HMCN1: variants seen among roughly 807,000 people sequenced by gnomAD.
HMCN1 encodes hemicentin-1.
In HMCN1, 321 loss-of-function variants were observed where a neutral mutation model predicts 625.9. That is an observed-to-expected ratio of 0.51 (90% CI 0.47 to 0.56). The LOEUF (loss-of-function observed/expected upper bound fraction) is 0.56, where lower values mean the gene tolerates loss of function less well. HMCN1 is among the 20% of genes least tolerant of loss of function. HMCN1 has a pLI of 0.00. For missense variants in HMCN1, 6,588 were observed against 6,887.3 expected, an observed-to-expected ratio of 0.96 and a Z score of 1.54; for synonymous variants, 2,425 against 2,417.6, an observed-to-expected ratio of 1.00 and a Z score of -0.09.
At chr1:186,084,114 A>G (rs1263906940) in intron 57 of HMCN1, among the ~76,000 whole-genome samples, 1 of 152,118 alleles carries the variant, frequency 6.6e-6, no homozygotes, top group Admixed American at 6.6e-5. Flanking sequence ...CAATTGTAGC[A>G]GTTCCATATG....
intron 60 of HMCN1, 119 bp downstream of exon 60, chr1:186,087,764 A>G: frequency 2.5e-6 from 3 of 1,205,240 alleles, no homozygotes; most frequent in Non-Finnish European, 3.7e-6. Flanking sequence ...AAAAAAATAC[A>G]TAGCCAATGC....
At chr1:185,902,417 A>G (rs1364910718) in intron 4 of HMCN1, among the ~76,000 whole-genome samples, 3 of 132,968 alleles carry the variant, frequency 2.3e-5, no homozygotes, top group Non-Finnish European at 4.5e-5. Flanking sequence ...CTATCTATCT[A>G]TCTATCTATC....
At chr1:185,889,739 A>G (rs1483013413) in intron 4 of HMCN1, among the ~76,000 whole-genome samples, 1 of 141,340 alleles carries the variant, frequency 7.1e-6, no homozygotes, top group East Asian at 1.9e-4. Context: ...TTTTTGCATC[A>G]ACGTTCATCA....
intron 1 of HMCN1, among the ~76,000 whole-genome samples, chr1:185,783,086 T>G (rs1472955008): frequency 1.3e-5 from 2 of 152,224 alleles, no homozygotes; most frequent in Admixed American, 1.3e-4. Context: ...CTTGATTCAT[T>G]TCATTCATTT....
At chr1:185,902,451 C>CTATA (rs1214702810) in intron 4 of HMCN1, among the ~76,000 whole-genome samples, 1 of 145,276 alleles carries the variant, frequency 6.9e-6, no homozygotes, top group Non-Finnish European at 1.5e-5. Context: ...ATCTATCTAT[C>CTATA]TAATTTTGCA....
intron 105 of HMCN1, 124 bp from the exon 106 acceptor site, chr1:186,187,759 T>G: frequency 7.7e-7 from 1 of 1,290,748 alleles, no homozygotes; most frequent in Non-Finnish European, 1.1e-6. Context: ...TAGGTATGAC[T>G]AAGTTCATTC....
In HMCN1 at chr1:185,864,755, C is replaced by T. The variant is rs1266750746; in HGVS notation, c.498+127C>T. The T allele has an allele frequency of 3.7e-6, 3 of 814,662 alleles. No individual in the cohort carries two copies. The African/African-American group carries it at 5.1e-5, about 14-fold the overall frequency. The allele number at this position is 814,662 out of a possible 1,614,324, so 50.5% of individuals were successfully genotyped here. ...AACTATCTATCCACATGTATGTTCTCCAATATGTATATGTCATCTGATTTA... is the reference window on the plus strand; with the variant it reads ...AACTATCTATCCACATGTATGTTCTTCAATATGTATATGTCATCTGATTTA... On this transcript the variant is annotated intron_variant, in intron 3 of 106. Coordinates refer to ENST00000271588, the MANE Select transcript of HMCN1 (RefSeq NM_031935.3).
chr1:186,015,221 A>G lies in HMCN1; in HGVS notation c.4693A>G (p.Ile1565Val), dbSNP rs1421020719. ...CATATCAGTATTGATCAACAGCCTT[A>G]TTAAACTGGAATGTGAAACACGGGG... The part of the protein sequence containing the change: ...TDISVLINSL[I>V]KLECETRGLP... Residue 1565 changes from isoleucine to valine, a missense_variant, in exon 31 of 107, where the codon ATT becomes GTT. This residue lies in a region of HMCN1 where 4,628 missense variants were observed against 4,853.1 expected (regional missense o/e 0.95). Coordinates refer to ENST00000271588, the MANE Select transcript of HMCN1 (RefSeq NM_031935.3). 6.2e-7 allele frequency: 1 copy of G among 1,613,696 alleles called. No homozygotes were observed. Among genetic ancestry groups the G allele is most frequent in the African/African-American group, 1.3e-5 (1 of 75,040 alleles).
At chr1:185,878,888 CT>C (rs1393047912) in intron 4 of HMCN1, among the ~76,000 whole-genome samples, 6 of 152,148 alleles carry the variant, frequency 3.9e-5, no homozygotes, top group Non-Finnish European at 7.4e-5. Context: ...AGCCATCATC[CT>C]ATGTTCAGAC....
chr1:186,177,765 AAG>A (rs150645870), intron 103 of HMCN1, among the ~76,000 whole-genome samples: 1,853 of 152,284 alleles, frequency 0.012, 36 homozygotes, highest in African/African-American at 0.037. Flanking sequence ...GAGAAAAAAC[AAG>A]AGAGAAATTT....
At chr1:185,835,627 A>G (rs2102298303) in intron 1 of HMCN1, among the ~76,000 whole-genome samples, 1 of 152,190 alleles carries the variant, frequency 6.6e-6, no homozygotes, top group Admixed American at 6.6e-5. Flanking sequence ...ACTAAAGTGA[A>G]GACTCTGAAC....
chr1:185,942,059 C>A (rs1668107338), intron 11 of HMCN1, among the ~76,000 whole-genome samples: 1 of 151,728 alleles, frequency 6.6e-6, no homozygotes, highest in South Asian at 2.1e-4. Context: ...GGCGTGGTGG[C>A]ACATGCCTGT....
intron 71 of HMCN1, among the ~76,000 whole-genome samples, 176 bp from the exon 72 acceptor site, chr1:186,112,636 T>C (rs1660943268): frequency 6.6e-6 from 1 of 152,194 alleles, no homozygotes; most frequent in Non-Finnish European, 1.5e-5. Flanking sequence ...TTAACATCAC[T>C]CATTAAAACA....
chr1:186,002,112 G>T (rs541732531), intron 28 of HMCN1, among the ~76,000 whole-genome samples: 2 of 152,162 alleles, frequency 1.3e-5, no homozygotes, highest in African/African-American at 4.8e-5. Context: ...CATTCATGCT[G>T]TGCATATCCT....
chr1:185,885,097 G>A (rs1285191070), intron 4 of HMCN1, among the ~76,000 whole-genome samples: 3 of 150,940 alleles, frequency 2.0e-5, no homozygotes, highest in African/African-American at 4.9e-5. Flanking sequence ...TTTTTTTTTG[G>A]TAGTGGTCCT....
chr1:185,863,043 T>C (rs1212725686), intron 2 of HMCN1, among the ~76,000 whole-genome samples: 1 of 152,232 alleles, frequency 6.6e-6, no homozygotes, highest in Non-Finnish European at 1.5e-5. Context: ...ATTAGATCTA[T>C]GGTGTTCACG....
At chr1:185,749,973 A>G (rs1429383059) in intron 1 of HMCN1, among the ~76,000 whole-genome samples, 1 of 152,204 alleles carries the variant, frequency 6.6e-6, no homozygotes, top group Non-Finnish European at 1.5e-5. Context: ...CTTGGCTAAA[A>G]GTCACCTCCT....
intron 29 of HMCN1, 134 bp from the exon 30 acceptor site, chr1:186,006,994 C>G (rs1653678653): frequency 4.3e-6 from 3 of 704,512 alleles, no homozygotes; most frequent in Admixed American, 2.3e-5. Context: ...TCTTGGAGTG[C>G]TAATCATATC....
chr1:185,906,628 C>T (rs138896985), intron 4 of HMCN1, among the ~76,000 whole-genome samples: 1 of 151,928 alleles, frequency 6.6e-6, no homozygotes, highest in African/African-American at 2.4e-5. Context: ...TAGAGCCACC[C>T]AGACATAGAC....
Sources: gnomAD v4.1 joint callset for allele counts (sites outside exome capture counted in the v4.1 genomes callset) on GRCh38, gnomAD v4.1.1 for gene constraint, gnomAD v4.1.1 regional missense constraint, MANE v1.5 for transcripts, NCBI Gene and HGNC (gene_info 2026-07-23, HGNC 2026-07-21) for gene names.